CENPW: variants seen among roughly 807,000 people sequenced by gnomAD.
CENPW encodes cancer-up-regulated gene 2 protein.
Under a neutral mutation model 11.1 loss-of-function variants are expected in CENPW, and 3 were observed. That is an observed-to-expected ratio of 0.27 (90% CI 0.12 to 0.70). The LOEUF is 0.70. CENPW is among the 30% of genes least tolerant of loss of function. The pLI is 0.77. For synonymous variants in CENPW, 38 were observed against 42.0 expected (o/e 0.91, Z 0.37); for missense variants, 100 against 105.6 (o/e 0.95, Z 0.23).
the CENPW span, among the ~76,000 whole-genome samples, chr6:126,470,083 A>G: frequency 8.5e-5 from 13 of 152,222 alleles, no homozygotes; most frequent in African/African-American, 2.9e-4. Flanking sequence ...ATAAGGAATC[A>G]AATGTTAATT....
At chr6:126,467,806 T>C in the CENPW span, among the ~76,000 whole-genome samples, 1 of 152,162 alleles carries the variant, frequency 6.6e-6, no homozygotes, top group Non-Finnish European at 1.5e-5. Flanking sequence ...AATGTAGTTT[T>C]ATAGTGGAGA....
At chr6:126,433,640 T>C in the CENPW span, among the ~76,000 whole-genome samples, 1 of 152,146 alleles carries the variant, frequency 6.6e-6, no homozygotes, top group African/African-American at 2.4e-5. Flanking sequence ...GTAGGAAATT[T>C]AGCAAGTTGA....
chr6:126,421,047 TAGAA>T, the CENPW span, among the ~76,000 whole-genome samples: 1 of 152,234 alleles, frequency 6.6e-6, no homozygotes, highest in South Asian at 2.1e-4. Context: ...GAAAGATCAT[TAGAA>T]AGATAAGTGG....
the CENPW span, among the ~76,000 whole-genome samples, chr6:126,412,611 A>G: frequency 6.6e-6 from 1 of 151,980 alleles, no homozygotes. Flanking sequence ...TTAAAATCCA[A>G]TTTCAGCCAT....
the CENPW span, among the ~76,000 whole-genome samples, chr6:126,469,523 T>G: frequency 1.1e-4 from 16 of 152,300 alleles, no homozygotes; most frequent in Admixed American, 5.9e-4. Flanking sequence ...AGTACTGCTA[T>G]AAAGGTAGCC....
At chr6:126,352,157 G>A (rs1042414425), downstream of CENPW, among the ~76,000 whole-genome samples, 1 of 152,052 alleles carries the variant, frequency 6.6e-6, no homozygotes, top group African/African-American at 2.4e-5. Context: ...AAGCTTTATT[G>A]GAACACAGGC....
chr6:126,475,019 T>G, the CENPW span, among the ~76,000 whole-genome samples: 1 of 152,170 alleles, frequency 6.6e-6, no homozygotes, highest in African/African-American at 2.4e-5. Context: ...GTAAATACTT[T>G]GCAGCAGCCA....
chr6:126,432,453 T>C, the CENPW span, among the ~76,000 whole-genome samples: 1 of 152,338 alleles, frequency 6.6e-6, no homozygotes, highest in East Asian at 1.9e-4. Flanking sequence ...AGAATTGGCT[T>C]GAACCTCAAT....
chr6:126,423,366 T>C, the CENPW span, among the ~76,000 whole-genome samples: 1 of 152,110 alleles, frequency 6.6e-6, no homozygotes, highest in South Asian at 2.1e-4. Flanking sequence ...TTGCTTGAAA[T>C]TGACATATTG....
the CENPW span, among the ~76,000 whole-genome samples, chr6:126,365,448 T>C: frequency 1.3e-5 from 2 of 152,104 alleles, no homozygotes; most frequent in Non-Finnish European, 2.9e-5. Flanking sequence ...ACATCTTATA[T>C]GACCAGTGGG....
the CENPW span, among the ~76,000 whole-genome samples, chr6:126,483,244 A>G: frequency 1.3e-5 from 2 of 151,722 alleles, no homozygotes; most frequent in African/African-American, 2.4e-5. Context: ...CAGAAAATTT[A>G]TATTTTTTTC....
the CENPW span, among the ~76,000 whole-genome samples, chr6:126,461,298 A>G: frequency 2.0e-5 from 3 of 151,990 alleles, no homozygotes; most frequent in Admixed American, 2.0e-4. Context: ...CTCCCTAGCC[A>G]TGTGGAACTG....
the CENPW span, among the ~76,000 whole-genome samples, chr6:126,479,094 A>G: frequency 6.6e-6 from 1 of 151,918 alleles, no homozygotes; most frequent in Admixed American, 6.6e-5. Flanking sequence ...TATGTGGCAC[A>G]TTACTTGGTT....
At chr6:126,377,052 A>G in the CENPW span, among the ~76,000 whole-genome samples, 8 of 152,286 alleles carry the variant, frequency 5.3e-5, no homozygotes, top group South Asian at 4.2e-4. Flanking sequence ...TCTGGGGGTA[A>G]GGAAGAGAGC....
At chr6:126,426,393 GT>G in the CENPW span, among the ~76,000 whole-genome samples, 1 of 152,070 alleles carries the variant, frequency 6.6e-6, no homozygotes, top group Non-Finnish European at 1.5e-5. Context: ...CCTGAAAGTT[GT>G]TTATTTATGA....
chr6:126,425,647 T>C, the CENPW span, among the ~76,000 whole-genome samples: 1 of 152,048 alleles, frequency 6.6e-6, no homozygotes, highest in Non-Finnish European at 1.5e-5. Flanking sequence ...GATTATCAAA[T>C]AGATCTATAG....
chr6:126,411,744 T>A, the CENPW span, among the ~76,000 whole-genome samples: 1 of 152,116 alleles, frequency 6.6e-6, no homozygotes. Flanking sequence ...GAAGCTTCAA[T>A]TTGGGAACCT....
the CENPW span, among the ~76,000 whole-genome samples, chr6:126,454,093 A>G: frequency 3.3e-5 from 5 of 151,474 alleles, no homozygotes; most frequent in African/African-American, 1.2e-4. Flanking sequence ...AGCCCTACAA[A>G]GAGACTTAGA....
At chr6:126,412,313 T>C in the CENPW span, among the ~76,000 whole-genome samples, 1 of 151,692 alleles carries the variant, frequency 6.6e-6, no homozygotes, top group Non-Finnish European at 1.5e-5. Flanking sequence ...AAACATACTT[T>C]TGTTGTATTT....
Sources: gnomAD v4.1 joint callset for allele counts (sites outside exome capture counted in the v4.1 genomes callset) on GRCh38, gnomAD v4.1.1 for gene constraint, MANE v1.5 for transcripts, NCBI Gene and HGNC (gene_info 2026-07-23, HGNC 2026-07-21) for gene names.